EIF3E: variants seen among roughly 807,000 people sequenced by gnomAD.
The protein encoded by EIF3E is eukaryotic translation initiation factor 3 subunit E.
A neutral mutation model predicts 59.3 loss-of-function variants in EIF3E; 25 were observed. The ratio of observed to expected loss-of-function variants is 0.42; its 90% CI spans 0.31 to 0.59. The LOEUF is 0.59. Among genes scored for constraint, EIF3E ranks in the 20% least tolerant of loss-of-function variants. The pLI is 0.15. For missense variants in EIF3E, 317 were observed against 534.3 expected, an observed-to-expected ratio of 0.59 and a Z score of 4.01; for synonymous variants, 176 against 170.2, an observed-to-expected ratio of 1.03 and a Z score of -0.26.
intron 1 of EIF3E, among the ~76,000 whole-genome samples, chr8:108,245,617 C>G (rs994564119): frequency 4.6e-5 from 7 of 152,176 alleles, no homozygotes; most frequent in Non-Finnish European, 2.9e-5. Flanking sequence ...GTAAAAGAAT[C>G]TGCTCTGACT....
intron 10 of EIF3E, among the ~76,000 whole-genome samples, chr8:108,204,550 C>T (rs1815054576): frequency 6.6e-6 from 1 of 151,734 alleles, no homozygotes; most frequent in Admixed American, 6.6e-5. Context: ...TGTAACGAAA[C>T]ACCACGTGTA....
chr8:108,224,569 A>T (rs1280588945), intron 7 of EIF3E, among the ~76,000 whole-genome samples: 1 of 151,586 alleles, frequency 6.6e-6, no homozygotes, highest in East Asian at 1.9e-4. Context: ...CAAGACAGAA[A>T]ATAAGACAGC....
intron 10 of EIF3E, among the ~76,000 whole-genome samples, chr8:108,213,383 G>A (rs1815246173): frequency 6.6e-6 from 1 of 151,984 alleles, no homozygotes; most frequent in Non-Finnish European, 1.5e-5. Flanking sequence ...ACTGTACAAA[G>A]CATATTAGGT....
At chr8:108,240,130 CTCA>C in intron 2 of EIF3E, 55 bp from the exon 3 acceptor site, 1 of 1,414,828 alleles carries the variant, frequency 7.1e-7, no homozygotes, top group Non-Finnish European at 1.0e-6. Context: ...AATTGTGCTA[CTCA>C]TCATGAGAAT....
rs1244794335 is a variant in EIF3E, at chr8:108,203,508, T to C, written c.1062-5A>G. ...TTCAATTTATCTGCCAACATGCTAA[T>C]GAAAAAGTAAAAACAGCAATGTTAA... On this transcript the variant is annotated splice_region_variant and splice_polypyrimidine_tract_variant and intron_variant, in intron 10 of 12. Transcript: ENST00000220849. The C allele has an allele frequency of 3.1e-6, 5 of 1,611,798 alleles. No homozygotes were observed. The highest frequency in any genetic ancestry group is 4.2e-6 in the Non-Finnish European group (5 of 1,178,422).
At position 108,217,460 on chromosome 8, in the gene EIF3E, T is replaced by C. The variant is rs1264859844; in HGVS notation, c.723A>G (p.Gln241=). The C allele has an allele frequency of 3.1e-6, 5 of 1,589,100 alleles. No individual in the cohort carries two copies. Among genetic ancestry groups the C allele is most frequent in the Non-Finnish European group, 3.4e-6 (4 of 1,170,652 alleles). ...NIIDLFLYQP[Q]YLNAIQTMCP... ...ACATTGTCTGAATTGCATTAAGATATCTAAGAAAAAATATAAAAGTTATTT... is the reference window on the plus strand; with the variant it reads ...ACATTGTCTGAATTGCATTAAGATACCTAAGAAAAAATATAAAAGTTATTT... The change falls in exon 8 of 13, where the codon CAA becomes CAG. Residue 241 remains glutamine, a splice_region_variant and synonymous_variant. Coordinates refer to ENST00000220849, the MANE Select transcript of EIF3E (RefSeq NM_001568.3).
Position 108,235,094 on chromosome 8 carries a change from C to T in EIF3E, c.375G>A (p.Gln125=), listed in dbSNP as rs1228219654. ...ATCTGTAGAGTGTATCTAAATATTC[C>T]TGCCTAAACTAAAAAGAAAAAAAAA... ...DYLADKHGFR[Q]EYLDTLYRYA... The change falls in exon 5 of 13, where the codon CAG becomes CAA. Residue 125 remains glutamine, a synonymous_variant. Coordinates refer to ENST00000220849, the MANE Select transcript of EIF3E (RefSeq NM_001568.3). 1.3e-6 allele frequency: 2 copies of T among 1,538,630 alleles called. No homozygotes were observed. The highest frequency in any genetic ancestry group is 1.7e-6 in the Non-Finnish European group (2 of 1,147,564).
intron 12 of EIF3E, 49 bp from the exon 13 acceptor site, chr8:108,201,972 GA>G: frequency 8.8e-6 from 13 of 1,484,968 alleles, no homozygotes; most frequent in Admixed American, 2.3e-5. Context: ...AATACTTTCG[GA>G]AAAAAACTAA....
chr8:108,230,345 A>T (rs894046646), intron 5 of EIF3E, among the ~76,000 whole-genome samples: 8 of 152,172 alleles, frequency 5.3e-5, no homozygotes, highest in African/African-American at 1.9e-4. Context: ...CATAAGACAT[A>T]CAGGGATTAC....
chr8:108,213,936 C>T (rs1031250002), intron 10 of EIF3E, among the ~76,000 whole-genome samples: 1 of 152,192 alleles, frequency 6.6e-6, no homozygotes, highest in Non-Finnish European at 1.5e-5. Flanking sequence ...ATGCACAATT[C>T]CTCAGAAGCA....
At chr8:108,223,533 AG>A (rs1458670172) in intron 7 of EIF3E, among the ~76,000 whole-genome samples, 1 of 152,210 alleles carries the variant, frequency 6.6e-6, no homozygotes, top group Non-Finnish European at 1.5e-5. Flanking sequence ...GAAATTTCTT[AG>A]AAAATTCAGA....
At chr8:108,235,275 T>C (rs1313933229) in intron 4 of EIF3E, among the ~76,000 whole-genome samples, 173 bp from the exon 5 acceptor site, 1 of 152,192 alleles carries the variant, frequency 6.6e-6, no homozygotes, top group East Asian at 1.9e-4. Flanking sequence ...GTGGCAGCTT[T>C]TGGGAGACTT....
chr8:108,243,213 C>A (rs544402679), intron 1 of EIF3E: 3 of 152,276 alleles, frequency 2.0e-5, no homozygotes, highest in South Asian at 2.1e-4. Flanking sequence ...TCATACAAAG[C>A]AGTACATGGT....
chr8:108,219,452 T>C (rs1815364787), intron 7 of EIF3E, among the ~76,000 whole-genome samples: 1 of 152,236 alleles, frequency 6.6e-6, no homozygotes, highest in African/African-American at 2.4e-5. Flanking sequence ...ATGAGACCAA[T>C]GGAATTCTTT....
intron 5 of EIF3E, 84 bp from the exon 6 acceptor site, chr8:108,229,279 T>C (rs1815577940): frequency 7.3e-7 from 1 of 1,364,456 alleles, no homozygotes; most frequent in Non-Finnish European, 9.9e-7. Flanking sequence ...TGTATCCCTC[T>C]AGCCTACTAA....
intron 3 of EIF3E, among the ~76,000 whole-genome samples, chr8:108,237,461 G>A (rs1473123051): frequency 5.9e-5 from 9 of 152,016 alleles, no homozygotes; most frequent in African/African-American, 1.4e-4. Flanking sequence ...CACGCTGGCC[G>A]GGCTGGTCTC....
chr8:108,219,531 G>A (rs1270231513), intron 7 of EIF3E, among the ~76,000 whole-genome samples: 1 of 151,274 alleles, frequency 6.6e-6, no homozygotes, highest in African/African-American at 2.4e-5. Context: ...TATTGCAAAT[G>A]TTTTTCTGAT....
In EIF3E at chr8:108,201,265, ATCTATC is replaced by A. The variant is rs944250338; in HGVS notation, c.*614_*619del. 12 of 139,702 alleles carry A rather than the reference ATCTATC, an allele frequency of 8.6e-5. No individual in the cohort carries two copies. The highest frequency in any genetic ancestry group is 2.5e-4 in the African/African-American group (8 of 32,368). 8.7% of individuals were successfully genotyped at this position (139,702 alleles called of 1,614,324 possible). On this transcript the variant is annotated 3_prime_UTR_variant, in exon 13 of 13. Coordinates refer to ENST00000220849, the MANE Select transcript of EIF3E (RefSeq NM_001568.3). ...AACTACTGATCATATATATATATAT[ATCTATC>A]TCTCAACTTGGATGGCTCTCAAGAG...
rs1815556463 is a variant in EIF3E at position 108,228,329 on chromosome 8, A to C, written c.660T>G (p.Phe220Leu). The change falls in exon 7 of 13, where the codon TTT (phenylalanine) becomes TTG (leucine). Residue 220 changes from phenylalanine (F) to leucine (L), a missense_variant. Transcript: ENST00000220849. Reference protein sequence around the residue: ...QRTWLIHWSLFVFFNHPKGRD... With the variant: ...QRTWLIHWSLLVFFNHPKGRD... ...GACCTTTGGGGTGATTGAAGAAAACAAACAGAGACCAGTGAATGAGCCATG... is the reference window on the plus strand; with the variant it reads ...GACCTTTGGGGTGATTGAAGAAAACCAACAGAGACCAGTGAATGAGCCATG... 6.2e-7 allele frequency: 1 copy of C among 1,609,416 alleles called. No individual in the cohort carries two copies. The highest frequency in any genetic ancestry group is 8.5e-7 in the Non-Finnish European group (1 of 1,177,576).
Sources: allele counts gnomAD v4.1 joint callset (sites outside exome capture counted in the v4.1 genomes callset), GRCh38; gene constraint gnomAD v4.1.1; transcripts MANE v1.5; gene names NCBI Gene and HGNC (gene_info 2026-07-23, HGNC 2026-07-21).